GFRA1: variants seen among roughly 807,000 people sequenced by gnomAD.
GFRA1 encodes GDNF family receptor alpha-1.
A neutral mutation model predicts 51.6 loss-of-function variants in GFRA1; 16 were observed. The ratio of observed to expected loss-of-function variants is 0.31; its 90% CI spans 0.21 to 0.47. The LOEUF (loss-of-function observed/expected upper bound fraction) is 0.47, where lower values mean the gene tolerates loss of function less well. Among genes scored for constraint, GFRA1 ranks in the 20% least tolerant of loss-of-function variants. The pLI, the probability that GFRA1 is intolerant of heterozygous loss-of-function variation, is 1.00. For synonymous variants in GFRA1, 270 were observed against 241.3 expected, an observed-to-expected ratio of 1.12 and a Z score of -1.10; for missense variants, 530 against 594.3, an observed-to-expected ratio of 0.89 and a Z score of 1.13.
chr10:116,135,674 T>C (rs919731003), intron 5 of GFRA1, among the ~76,000 whole-genome samples: 12 of 152,342 alleles, frequency 7.9e-5, no homozygotes, highest in East Asian at 1.9e-4. Context: ...TAATGTAAGA[T>C]TGATTCCAAG....
In GFRA1 at chr10:116,272,444, C is replaced by A; in HGVS notation, c.-246-169G>T. ...GTGCGTGTTTTCCAGGGGCCGCTGA[C>A]ACGGGGATGGAGGTGAGGGCTGGAG... On this transcript the variant is annotated intron_variant, in intron 1 of 10. Transcript: ENST00000355422. The surrounding 1 kb of genome is among the most constrained non-coding windows in gnomAD (Gnocchi z 4.4). 1 of 308,810 alleles carries A rather than the reference C, an allele frequency of 3.2e-6. No homozygotes were observed. The highest frequency in any genetic ancestry group is 6.2e-6 in the Non-Finnish European group (1 of 160,100). The allele number at this position is 308,810 out of a possible 1,614,324, so 19.1% of individuals were successfully genotyped here.
intron 4 of GFRA1, among the ~76,000 whole-genome samples, chr10:116,218,793 G>A (rs1076972): frequency 0.37 from 56,029 of 151,988 alleles, 12,206 homozygotes; most frequent in East Asian, 0.55. Flanking sequence ...AATGACAACC[G>A]CTCTTTAATG....
chr10:116,118,557 C>G (rs921372056), intron 6 of GFRA1, among the ~76,000 whole-genome samples: 1 of 151,342 alleles, frequency 6.6e-6, no homozygotes, highest in Admixed American at 6.5e-5. Context: ...AAGGCCTGAT[C>G]TGAACATGGC....
chr10:116,082,766 C>T (rs907275438), intron 9 of GFRA1, among the ~76,000 whole-genome samples: 1 of 152,154 alleles, frequency 6.6e-6, no homozygotes, highest in South Asian at 2.1e-4. Flanking sequence ...GTGTGAGCCA[C>T]CACACCCAGC....
At chr10:116,077,324 T>A (rs1341441567) in intron 9 of GFRA1, among the ~76,000 whole-genome samples, 1 of 152,186 alleles carries the variant, frequency 6.6e-6, no homozygotes, top group South Asian at 2.1e-4. Flanking sequence ...CTGGCTACAT[T>A]GTTGCTGAGA....
chr10:116,162,009 A>T (rs2134181287), intron 5 of GFRA1, among the ~76,000 whole-genome samples: 1 of 152,356 alleles, frequency 6.6e-6, no homozygotes, highest in South Asian at 2.1e-4. Context: ...CCTTGCTGAG[A>T]AGAGGATAGT....
At position 116,098,715 on chromosome 10, in the gene GFRA1, A is replaced by G. The variant is rs546641408; in HGVS notation, c.771-1951T>C. 5.9e-5 allele frequency among the ~76,000 whole-genome samples: 9 copies of G among 152,306 alleles called. 2 individuals are homozygous for G. The South Asian group carries it at 1.9e-3, about 32-fold the overall frequency. On this transcript the variant is annotated intron_variant, in intron 6 of 10. Transcript: ENST00000355422. ...TCCTGTTTCTCACAGTCTCTCCAGC[A>G]GACTATTAACTGAACAACACTGTGA... is the stretch of plus-strand genomic sequence containing the variant.
chr10:116,089,630 G>T, intron 9 of GFRA1, 111 bp downstream of exon 9: 1 of 920,548 alleles, frequency 1.1e-6, no homozygotes, highest in South Asian at 1.3e-5. Flanking sequence ...ACTCAAACCC[G>T]AGCAGCATTC....
intron 6 of GFRA1, among the ~76,000 whole-genome samples, chr10:116,116,546 G>A (rs1376008947): frequency 1.3e-5 from 2 of 152,242 alleles, no homozygotes; most frequent in Non-Finnish European, 2.9e-5. Context: ...ATGCCTGGGA[G>A]GGGGTGCACC....
At chr10:116,203,632 A>G (rs1001460829) in intron 5 of GFRA1, among the ~76,000 whole-genome samples, 1 of 151,990 alleles carries the variant, frequency 6.6e-6, no homozygotes, top group Non-Finnish European at 1.5e-5. Context: ...GAACACGACC[A>G]CCCTCCTGCC....
At chr10:116,167,280 C>T (rs528216083) in intron 5 of GFRA1, among the ~76,000 whole-genome samples, 15 of 152,282 alleles carry the variant, frequency 9.9e-5, no homozygotes, top group South Asian at 4.1e-4. Flanking sequence ...ATCCTCCCAT[C>T]GCCAATGATT....
intron 5 of GFRA1, among the ~76,000 whole-genome samples, chr10:116,201,064 A>G (rs1285631324): frequency 2.0e-5 from 3 of 152,204 alleles, no homozygotes; most frequent in Admixed American, 2.0e-4. Context: ...TGGGCTTTCT[A>G]GAACAAGTCT....
intron 9 of GFRA1, among the ~76,000 whole-genome samples, chr10:116,086,121 G>A (rs1227436551): frequency 6.6e-6 from 1 of 152,194 alleles, no homozygotes. Context: ...TGCTCCATTT[G>A]TAAAAGGCAA....
At chr10:116,091,190 CG>C (rs1374577405) in intron 8 of GFRA1, among the ~76,000 whole-genome samples, 1 of 152,186 alleles carries the variant, frequency 6.6e-6, no homozygotes, top group African/African-American at 2.4e-5. Flanking sequence ...GCCACATCAG[CG>C]GTTCAGTTGT....
At chr10:116,148,517 T>C (rs74236845) in intron 5 of GFRA1, among the ~76,000 whole-genome samples, 1 of 140,292 alleles carries the variant, frequency 7.1e-6, no homozygotes, top group South Asian at 2.3e-4. Flanking sequence ...ACCTCAGGGG[T>C]TGTTTTAATG....
intron 6 of GFRA1, among the ~76,000 whole-genome samples, chr10:116,117,103 G>C (rs1257190613): frequency 6.6e-6 from 1 of 152,222 alleles, no homozygotes; most frequent in Non-Finnish European, 1.5e-5. Context: ...TGGAAGCAGG[G>C]TGACCCTTGG....
chr10:116,112,941 G>A (rs761074431), intron 6 of GFRA1, among the ~76,000 whole-genome samples: 18 of 152,210 alleles, frequency 1.2e-4, no homozygotes, highest in Non-Finnish European at 2.2e-4. Flanking sequence ...GACCTCAGGA[G>A]CGCTGGTGCA....
At chr10:116,173,265 T>C (rs1961223202) in intron 5 of GFRA1, among the ~76,000 whole-genome samples, 1 of 152,174 alleles carries the variant, frequency 6.6e-6, no homozygotes, top group Non-Finnish European at 1.5e-5. Flanking sequence ...GGACCACTGC[T>C]TTTCCTGGTG....
intron 5 of GFRA1, among the ~76,000 whole-genome samples, chr10:116,181,228 AT>A (rs775364697): frequency 2.0e-5 from 3 of 152,226 alleles, no homozygotes; most frequent in Non-Finnish European, 4.4e-5. Context: ...AAAAGCAGAC[AT>A]CAGGAAATGG....
Sources: gnomAD v4.1 joint callset for allele counts (sites outside exome capture counted in the v4.1 genomes callset) on GRCh38, gnomAD v4.1.1 for gene constraint, Gnocchi (gnomAD v3.1) non-coding constraint, MANE v1.5 for transcripts, NCBI Gene and HGNC (gene_info 2026-07-23, HGNC 2026-07-21) for gene names.